Variants in OR8B2 observed in about 807,000 individuals in gnomAD.
OR8B2 encodes olfactory receptor 8B2.
For missense variants in OR8B2, 304 were observed against 379.6 expected (o/e 0.80, Z 1.65); for synonymous variants, 98 against 138.2 (o/e 0.71, Z 2.04).
At chr11:124,385,738 G>A (rs1037688873), upstream of OR8B2, among the ~76,000 whole-genome samples, 3 of 149,702 alleles carry the variant, frequency 2.0e-5, no homozygotes, top group Admixed American at 6.7e-5. Context: ...TCAATAGATC[G>A]TCCCACCTCA....
the OR8B2 span, among the ~76,000 whole-genome samples, chr11:124,389,937 T>C: frequency 5.9e-5 from 9 of 151,856 alleles, no homozygotes; most frequent in African/African-American, 1.4e-4. Flanking sequence ...ACAGAGAAAA[T>C]ATGAAGACTA....
rs991611589 is a variant in OR8B2 at position 124,384,368 on chromosome 11, A to G, written c.-18+6T>C. The G allele has an allele frequency of 6.6e-6, 1 of 152,038 alleles. No homozygotes were observed. The highest frequency in any genetic ancestry group is 2.4e-5 in the African/African-American group (1 of 41,388). The allele number at this position is 152,038 out of a possible 1,614,324, so 9.4% of individuals were successfully genotyped here. ...GGAGAGAGAAATAGAAACTTGATTA[A>G]CTCACCTTCCTTCCACTCAGAGAAC... On this transcript the variant is annotated splice_donor_region_variant and intron_variant, in intron 1 of 1. Coordinates refer to ENST00000641451, the MANE Select transcript of OR8B2 (RefSeq NM_001005468.2).
Position 124,382,421 on chromosome 11 carries a change from T to G in OR8B2, c.923A>C (p.Gln308Pro). 6.2e-7 allele frequency: 1 copy of G among 1,605,490 alleles called. No homozygotes were observed. The highest frequency in any genetic ancestry group is 2.2e-5 in the East Asian group (1 of 44,836). ...VALRKALIKI[Q>P]RRNIF The stretch of plus-strand genomic sequence containing the variant: ...TTCTAATTAGAATATATTTCTCCTC[T>G]GAATTTTAATCAGAGCTTTCCTCAG... Residue 308 changes from glutamine to proline, a missense_variant, in exon 2 of 2, where the codon CAG becomes CCG. Transcript: ENST00000641451.
the OR8B2 span, among the ~76,000 whole-genome samples, chr11:124,394,232 C>A: frequency 2.0e-5 from 3 of 150,214 alleles, no homozygotes; most frequent in Non-Finnish European, 4.4e-5. Context: ...TGCACATGTA[C>A]CCTGAAACTT....
chr11:124,394,037 T>A, the OR8B2 span, among the ~76,000 whole-genome samples: 1 of 138,660 alleles, frequency 7.2e-6, no homozygotes, highest in Admixed American at 8.3e-5. Context: ...TTCTCACTGA[T>A]AGATGGCAAT....
At chr11:124,387,280 AT>A (rs1860717994), upstream of OR8B2, among the ~76,000 whole-genome samples, 1 of 152,200 alleles carries the variant, frequency 6.6e-6, no homozygotes, top group East Asian at 1.9e-4. Flanking sequence ...TCATTTGTCA[AT>A]TTTGGCTTTT....
the OR8B2 span, chr11:124,397,141 G>A: frequency 1.9e-6 from 3 of 1,612,422 alleles, no homozygotes; most frequent in South Asian, 2.2e-5. Flanking sequence ...GAGTAACAGA[G>A]ATCAATGAAG....
At chr11:124,395,688 A>G in the OR8B2 span, 2 of 152,214 alleles carry the variant, frequency 1.3e-5, no homozygotes, top group Non-Finnish European at 2.9e-5. Context: ...AATGTAAACA[A>G]TGGACCCACT....
chr11:124,383,068 G>A lies in OR8B2; in HGVS notation c.276C>T (p.Ile92=), dbSNP rs1216226307. 1 of 1,613,916 alleles carries A rather than the reference G, an allele frequency of 6.2e-7. No individual in the cohort carries two copies. Residue 92 remains isoleucine, a synonymous_variant, in exon 2 of 2, where the codon ATC becomes ATT. Transcript: ENST00000641451. ...LMNFVSKKNI[I]SNVGCMTRLF... is the part of the protein sequence containing the mutation. ...GCCGAGTCATGCACCCAACATTGGAGATAATATTCTTTTTTGACACAAAGT... is the reference window on the plus strand; with the variant it reads ...GCCGAGTCATGCACCCAACATTGGAAATAATATTCTTTTTTGACACAAAGT...
upstream of OR8B2, among the ~76,000 whole-genome samples, chr11:124,387,708 G>C (rs1275718161): frequency 2.1e-5 from 3 of 143,040 alleles, no homozygotes; most frequent in African/African-American, 7.9e-5. Flanking sequence ...CTCCAGCTTT[G>C]TTCTTTTGGC....
At chr11:124,396,680 G>T in the OR8B2 span, 26 of 1,613,692 alleles carry the variant, frequency 1.6e-5, no homozygotes, top group Admixed American at 1.0e-4. Context: ...TATGAAGAAT[G>T]CTAGTGACAA....
chr11:124,396,442 G>C, the OR8B2 span: 1 of 1,609,376 alleles, frequency 6.2e-7, no homozygotes, highest in African/African-American at 1.3e-5. Flanking sequence ...ATTTTAATCA[G>C]AGCTTTCCTC....
chr11:124,394,457 C>T, the OR8B2 span, among the ~76,000 whole-genome samples: 1 of 151,948 alleles, frequency 6.6e-6, no homozygotes, highest in Non-Finnish European at 1.5e-5. Context: ...AAGGCCTCAG[C>T]CGGGATGAAA....
the OR8B2 span, chr11:124,396,238 G>T: frequency 1.6e-6 from 1 of 619,434 alleles, no homozygotes; most frequent in Non-Finnish European, 2.7e-6. Context: ...TGTGAGAAGT[G>T]CCAGAGATGC....
At chr11:124,397,294 G>A in the OR8B2 span, 20 of 1,300,376 alleles carry the variant, frequency 1.5e-5, no homozygotes, top group Admixed American at 3.3e-4. Context: ...AACTCTGGAT[G>A]ATCTGTTAAT....
At chr11:124,394,109 G>A in the OR8B2 span, among the ~76,000 whole-genome samples, 1 of 106,904 alleles carries the variant, frequency 9.4e-6, no homozygotes, top group Admixed American at 1.3e-4. Flanking sequence ...CTGTTGTGGG[G>A]TGGGGGGAGG....
the OR8B2 span, among the ~76,000 whole-genome samples, chr11:124,390,787 G>A: frequency 6.6e-6 from 1 of 150,868 alleles, no homozygotes; most frequent in Non-Finnish European, 1.5e-5. Context: ...GGGGCTTAGT[G>A]CTTTATAGAA....
chr11:124,388,751 A>G (rs1860738643), upstream of OR8B2, among the ~76,000 whole-genome samples: 1 of 152,184 alleles, frequency 6.6e-6, no homozygotes, highest in Non-Finnish European at 1.5e-5. Context: ...CAGTCTAATC[A>G]GAAATATAAC....
chr11:124,387,740 G>C (rs563132932), upstream of OR8B2, among the ~76,000 whole-genome samples: 25 of 144,538 alleles, frequency 1.7e-4, no homozygotes, highest in African/African-American at 6.2e-4. Context: ...TTGGTGATGC[G>C]GGCTCTTTTT....
Sources: gnomAD v4.1 joint callset for allele counts (sites outside exome capture counted in the v4.1 genomes callset) on GRCh38, gnomAD v4.1.1 for gene constraint, MANE v1.5 for transcripts, NCBI Gene and HGNC (gene_info 2026-07-23, HGNC 2026-07-21) for gene names.